The following METTL15 variants were observed in gnomAD, a reference collection of about 807,000 sequenced individuals.
The protein encoded by METTL15 is 12S rRNA N(4)-cytidine methyltransferase METTL15.
In METTL15, 34 loss-of-function variants were observed where a neutral mutation model predicts 38.3. The ratio of observed to expected loss-of-function variants is 0.89; its 90% CI spans 0.68 to 1.18. The LOEUF is 1.18. Ranked by LOEUF, METTL15 falls within the 50% of genes most tolerant of loss-of-function variation. METTL15 has a pLI of 0.00. For missense variants in METTL15, 438 were observed against 498.4 expected (o/e 0.88, Z 1.15); for synonymous variants, 162 against 170.9 (o/e 0.95, Z 0.41).
intron 3 of METTL15, among the ~76,000 whole-genome samples, chr11:28,139,778 A>G (rs948666980): frequency 2.6e-5 from 4 of 152,114 alleles, no homozygotes; most frequent in Non-Finnish European, 5.9e-5. Flanking sequence ...AAACTCTTGC[A>G]TAGAAAAGCT....
intron 3 of METTL15, among the ~76,000 whole-genome samples, chr11:28,127,006 T>G (rs1339515338): frequency 2.6e-5 from 4 of 152,048 alleles, no homozygotes; most frequent in African/African-American, 4.8e-5. Context: ...GTACAAAAGT[T>G]CTGTGCTGGG....
At chr11:28,119,206 T>C (rs1278313576) in intron 3 of METTL15, among the ~76,000 whole-genome samples, 1 of 152,200 alleles carries the variant, frequency 6.6e-6, no homozygotes. Flanking sequence ...TATGATGAGA[T>C]TATTTGTTCA....
At chr11:28,204,697 T>C (rs1471942264) in intron 3 of METTL15, among the ~76,000 whole-genome samples, 1 of 151,964 alleles carries the variant, frequency 6.6e-6, no homozygotes, top group African/African-American at 2.4e-5. Flanking sequence ...GTAAAATGTG[T>C]ATATAACATC....
intron 6 of METTL15, among the ~76,000 whole-genome samples, chr11:28,522,177 G>A (rs1191101569): frequency 2.0e-5 from 3 of 152,196 alleles, no homozygotes; most frequent in Admixed American, 6.5e-5. Context: ...ACTCTAAATA[G>A]AAGTATTGAC....
chr11:28,250,570 A>ATTTT lies in METTL15; in HGVS notation c.407+39372_407+39373insTTTT, dbSNP rs763326965. 5.5e-5 allele frequency among the ~76,000 whole-genome samples: 8 copies of ATTTT among 146,192 alleles called. No homozygotes were observed. In the South Asian group the frequency reaches 6.5e-4, roughly 12 times the overall value. On this transcript the variant is annotated intron_variant, in intron 4 of 6. Coordinates refer to ENST00000407364, the MANE Select transcript of METTL15 (RefSeq NM_001113528.2). Reference sequence around the variant, plus strand: ...TAGAAGTTACTCTCCTTTTTTTAAAAAAAAAAATGATGTTTTTCCTACATC... The same window carrying ATTTT: ...TAGAAGTTACTCTCCTTTTTTTAAAATTTTAAAAAAATGATGTTTTTCCTACATC...
intron 6 of METTL15, among the ~76,000 whole-genome samples, chr11:28,300,182 A>C (rs952949903): frequency 1.3e-5 from 2 of 152,134 alleles, no homozygotes; most frequent in African/African-American, 4.8e-5. Context: ...TTGTTTGACA[A>C]ACATGTATTT....
intron 5 of METTL15, among the ~76,000 whole-genome samples, chr11:28,396,948 C>A (rs933846148): frequency 4.7e-5 from 7 of 147,948 alleles, no homozygotes; most frequent in African/African-American, 1.8e-4. Context: ...ACATGTACAA[C>A]CATCTGATCT....
At chr11:28,308,057 G>A (rs1362092281) in intron 6 of METTL15, among the ~76,000 whole-genome samples, 1 of 151,960 alleles carries the variant, frequency 6.6e-6, no homozygotes, top group African/African-American at 2.4e-5. Flanking sequence ...GCTTAGTTGG[G>A]TGTAGAGTTG....
chr11:28,402,136 G>A (rs1466119641), intron 5 of METTL15, among the ~76,000 whole-genome samples: 1 of 151,836 alleles, frequency 6.6e-6, no homozygotes, highest in Non-Finnish European at 1.5e-5. Flanking sequence ...TCTCTGTTAG[G>A]GAATGTCACC....
At chr11:28,361,058 A>G (rs1850134077) in intron 4 of METTL15, among the ~76,000 whole-genome samples, 1 of 151,294 alleles carries the variant, frequency 6.6e-6, no homozygotes, top group Admixed American at 6.6e-5. Context: ...CCAATCTATC[A>G]TTGTTGGACA....
At chr11:28,467,107 T>C (rs1851263366) in intron 6 of METTL15, among the ~76,000 whole-genome samples, 1 of 152,152 alleles carries the variant, frequency 6.6e-6, no homozygotes, top group Non-Finnish European at 1.5e-5. Flanking sequence ...CACAGTGTCA[T>C]TGGTTATTTC....
intron 4 of METTL15, among the ~76,000 whole-genome samples, chr11:28,357,053 A>G (rs1044673513): frequency 6.6e-6 from 1 of 152,200 alleles, no homozygotes. Flanking sequence ...ATCCTGGCTC[A>G]GTACACACAG....
intron 4 of METTL15, among the ~76,000 whole-genome samples, chr11:28,263,739 C>A (rs1257616949): frequency 1.3e-5 from 2 of 151,920 alleles, no homozygotes; most frequent in Non-Finnish European, 2.9e-5. Context: ...TTAATGAAAA[C>A]AATAATTTTT....
chr11:28,149,591 T>A (rs960779318), intron 3 of METTL15, among the ~76,000 whole-genome samples: 1 of 152,044 alleles, frequency 6.6e-6, no homozygotes, highest in Non-Finnish European at 1.5e-5. Flanking sequence ...GATTAGGTAA[T>A]TATTAGATTT....
At chr11:28,529,548 C>G (rs1851832684), downstream of METTL15, among the ~76,000 whole-genome samples, 1 of 134,670 alleles carries the variant, frequency 7.4e-6, no homozygotes, top group Non-Finnish European at 1.5e-5. Context: ...TTTCCCCCTA[C>G]TTCTTTCGTG....
intron 3 of METTL15, among the ~76,000 whole-genome samples, chr11:28,178,121 G>A (rs1851144559): frequency 6.6e-6 from 1 of 151,788 alleles, no homozygotes; most frequent in Non-Finnish European, 1.5e-5. Flanking sequence ...TCATTTGCCT[G>A]CCCAGACATT....
chr11:28,114,444 G>A (rs34911248), intron 3 of METTL15, among the ~76,000 whole-genome samples: 462 of 152,122 alleles, frequency 3.0e-3, no homozygotes, highest in Non-Finnish European at 5.3e-3. Flanking sequence ...GAACATTCGT[G>A]TACAAGTTTT....
chr11:28,117,259 GTATATATATATATATATATATATA>G (rs60938215), intron 3 of METTL15, among the ~76,000 whole-genome samples: 82 of 108,582 alleles, frequency 7.6e-4, no homozygotes, highest in African/African-American at 2.4e-3. Flanking sequence ...GTGTGTGTGT[GTATATATATATATATATATATATA>G]TATATATATA....
Position 28,330,962 on chromosome 11 carries a change from T to A in METTL15, c.*121T>A. On this transcript the variant is annotated 3_prime_UTR_variant, in exon 7 of 7. Coordinates refer to ENST00000407364, the MANE Select transcript of METTL15 (RefSeq NM_001113528.2). ...GGGACAGTCTGAAAATTGATAGCAT[T>A]TAGCATTTCTTTTTTCTCAAAAAGA... 1.5e-6 allele frequency: 1 copy of A among 668,668 alleles called. No individual in the cohort carries two copies. The highest frequency in any genetic ancestry group is 3.2e-5 in the Admixed American group (1 of 30,796). The allele number at this position is 668,668 out of a possible 1,614,324, so 41.4% of individuals were successfully genotyped here.
Sources: gnomAD v4.1 joint callset for allele counts (sites outside exome capture counted in the v4.1 genomes callset) on GRCh38, gnomAD v4.1.1 for gene constraint, MANE v1.5 for transcripts, NCBI Gene and HGNC (gene_info 2026-07-23, HGNC 2026-07-21) for gene names.